The following PMEPA1 variants were observed in gnomAD, a reference collection of about 807,000 sequenced individuals.
The protein encoded by PMEPA1 is prostate transmembrane protein, androgen induced 1.
A neutral mutation model predicts 23.0 loss-of-function variants in PMEPA1; 11 were observed. That is an observed-to-expected ratio of 0.48 (90% CI 0.30 to 0.79). PMEPA1 has a LOEUF of 0.79. Among genes scored for constraint, PMEPA1 ranks in the 30% least tolerant of loss-of-function variants. PMEPA1 has a pLI of 0.06. For synonymous variants in PMEPA1, 204 were observed against 166.4 expected, an observed-to-expected ratio of 1.23 and a Z score of -1.74; for missense variants, 377 against 390.9, an observed-to-expected ratio of 0.96 and a Z score of 0.30.
rs2071319294 is a variant in PMEPA1 at position 57,655,858 on chromosome 20, C to T, written c.265-2772G>A. Among the ~76,000 whole-genome samples, 1 of 152,172 alleles carries T rather than the reference C, an allele frequency of 6.6e-6. No individual in the cohort carries two copies. The highest frequency in any genetic ancestry group is 2.1e-4 in the South Asian group (1 of 4,822). ...AGTAAAATATTTTCTGGTTTGTGGGCCGGCGGGTCTCTGTCATACCACTGA... is the reference window on the plus strand; with the variant it reads ...AGTAAAATATTTTCTGGTTTGTGGGTCGGCGGGTCTCTGTCATACCACTGA... On this transcript the variant is annotated intron_variant, in intron 2 of 3. Transcript: ENST00000341744. The surrounding 1 kb of genome is among the most constrained non-coding windows in gnomAD (Gnocchi z 4.2).
chr20:57,663,304 G>T (rs2146653143), intron 1 of PMEPA1, among the ~76,000 whole-genome samples: 1 of 152,314 alleles, frequency 6.6e-6, no homozygotes, highest in East Asian at 1.9e-4. Context: ...GAGCACCCTG[G>T]AGAGGAGCAG....
At chr20:57,663,365 C>G (rs2071449104) in intron 1 of PMEPA1, among the ~76,000 whole-genome samples, 1 of 152,132 alleles carries the variant, frequency 6.6e-6, no homozygotes, top group Non-Finnish European at 1.5e-5. Context: ...GGGTCCCAGC[C>G]TGGCTCTTGG....
intron 1 of PMEPA1, among the ~76,000 whole-genome samples, chr20:57,696,887 CT>C (rs1490934576): frequency 1.3e-5 from 2 of 152,218 alleles, no homozygotes; most frequent in Non-Finnish European, 2.9e-5. Context: ...GTTTACACCC[CT>C]GATTTTTAAA....
chr20:57,652,058 G>A lies in PMEPA1; in HGVS notation c.859C>T (p.Leu287Phe). Residue 287 changes from leucine to phenylalanine, a missense_variant, in exon 4 of 4, where the codon CTC becomes TTC. This residue lies in a region of PMEPA1 where 176 missense variants were observed against 173.0 expected (regional missense o/e 1.02). Coordinates refer to ENST00000341744, the MANE Select transcript of PMEPA1 (RefSeq NM_020182.5). This position sits in a 1 kb window ranked among gnomAD's most constrained non-coding sequence, Gnocchi z 6.1. ...KEKDKQKGHP[L>F] ...GCCCGGCCCCCCTGGGGACCCTAGAGAGGGTGTCCTTTCTGTTTATCCTTC... is the reference window on the plus strand; with the variant it reads ...GCCCGGCCCCCCTGGGGACCCTAGAAAGGGTGTCCTTTCTGTTTATCCTTC... 6.7e-7 allele frequency: 1 copy of A among 1,494,378 alleles called. No homozygotes were observed. Among genetic ancestry groups the A allele is most frequent in the South Asian group, 1.3e-5 (1 of 74,572 alleles). The allele number at this position is 1,494,378 out of a possible 1,614,324, so 92.6% of individuals were successfully genotyped here.
intron 1 of PMEPA1, among the ~76,000 whole-genome samples, 179 bp downstream of exon 1, chr20:57,709,295 G>GC (rs1305148442): frequency 6.8e-6 from 1 of 146,750 alleles, no homozygotes; most frequent in Non-Finnish European, 1.5e-5. Flanking sequence ...ACAAAGCCGG[G>GC]CCGGCCGCCA....
intron 1 of PMEPA1, chr20:57,699,889 AGCCTCCCG>A (rs1178275132): frequency 7.8e-6 from 3 of 384,878 alleles, no homozygotes; most frequent in Non-Finnish European, 1.6e-5. Context: ...ACCTCAGAGA[AGCCTCCCG>A]GCCTCGGCGG....
chr20:57,677,233 G>A (rs2071649404), intron 1 of PMEPA1, among the ~76,000 whole-genome samples: 1 of 152,220 alleles, frequency 6.6e-6, no homozygotes, highest in African/African-American at 2.4e-5. Flanking sequence ...GGGAGCAGCT[G>A]TGTGTCTCCA....
chr20:57,692,393 T>C (rs916667720), intron 1 of PMEPA1, among the ~76,000 whole-genome samples: 1 of 152,190 alleles, frequency 6.6e-6, no homozygotes, highest in Non-Finnish European at 1.5e-5. Flanking sequence ...AGGTGAGCAA[T>C]GGTCTGTCAG....
In PMEPA1 at chr20:57,655,939, A is replaced by T. The variant is rs1882473179; in HGVS notation, c.265-2853T>A. Among the ~76,000 whole-genome samples, 1 of 152,184 alleles carries T rather than the reference A, an allele frequency of 6.6e-6. No individual in the cohort carries two copies. Among genetic ancestry groups the T allele is most frequent in the Non-Finnish European group, 1.5e-5 (1 of 67,996 alleles). ...GGCAAAACGCACTCGAAAACACTTC[A>T]TTCACACTCAGAAAAGACCTCATTG... On this transcript the variant is annotated intron_variant, in intron 2 of 3. Transcript: ENST00000341744. This position sits in a 1 kb window ranked among gnomAD's most constrained non-coding sequence, Gnocchi z 4.2.
At chr20:57,667,338 G>A (rs1369992493) in intron 1 of PMEPA1, among the ~76,000 whole-genome samples, 2 of 152,158 alleles carry the variant, frequency 1.3e-5, no homozygotes, top group Non-Finnish European at 2.9e-5. Flanking sequence ...ACGGGGAGAG[G>A]GTCGCTGGAA....
intron 1 of PMEPA1, among the ~76,000 whole-genome samples, chr20:57,688,364 C>T (rs2071829759): frequency 1.1e-5 from 1 of 95,232 alleles, no homozygotes; most frequent in Non-Finnish European, 2.0e-5. Flanking sequence ...GTGGGCTGTT[C>T]TGGGCATGGC....
rs757276494 is a variant in PMEPA1 at position 57,652,061 on chromosome 20, G to A, written c.856C>T (p.Pro286Ser). The A allele has an allele frequency of 1.3e-6, 2 of 1,499,578 alleles. No individual in the cohort carries two copies. Among genetic ancestry groups the A allele is most frequent in the South Asian group, 1.3e-5 (1 of 75,426 alleles). 92.9% of individuals were successfully genotyped at this position (1,499,578 alleles called of 1,614,324 possible). A position where few individuals can be genotyped will look rare whatever the true frequency, so the allele number is the denominator to read the frequency against. Reference sequence around the variant, plus strand: ...CGGCCCCCCTGGGGACCCTAGAGAGGGTGTCCTTTCTGTTTATCCTTCTCT... The same window carrying A: ...CGGCCCCCCTGGGGACCCTAGAGAGAGTGTCCTTTCTGTTTATCCTTCTCT... ...SKEKDKQKGHPL is the reference protein window; with the variant it reads ...SKEKDKQKGHSL Residue 286 changes from proline to serine, a missense_variant, in exon 4 of 4, where the codon CCT becomes TCT. Around this residue, in one of 3 missense-constraint regions of PMEPA1, gnomAD observed 176 missense variants for 173.0 expected, o/e 1.02. Coordinates refer to ENST00000341744, the MANE Select transcript of PMEPA1 (RefSeq NM_020182.5). The surrounding 1 kb of genome is among the most constrained non-coding windows in gnomAD (Gnocchi z 6.1).
chr20:57,664,522 C>A (rs12480236), intron 1 of PMEPA1, among the ~76,000 whole-genome samples: 6 of 151,406 alleles, frequency 4.0e-5, no homozygotes, highest in Admixed American at 3.9e-4. Context: ...AATATAAACA[C>A]GGCTCTCCAC....
chr20:57,694,538 G>A (rs1807589089), intron 1 of PMEPA1, among the ~76,000 whole-genome samples: 1 of 152,170 alleles, frequency 6.6e-6, no homozygotes, highest in Admixed American at 6.5e-5. Context: ...AGATTTCTTG[G>A]AACTGACATG....
intron 1 of PMEPA1, among the ~76,000 whole-genome samples, chr20:57,689,191 C>T (rs559647626): frequency 1.3e-5 from 2 of 152,288 alleles, no homozygotes; most frequent in South Asian, 2.1e-4. Flanking sequence ...GCTGGGCAGG[C>T]GGAGGGAGAA....
In PMEPA1 at chr20:57,698,450, G is replaced by A. The variant is rs1366531746; in HGVS notation, c.109+11024C>T. On this transcript the variant is annotated intron_variant, in intron 1 of 3. Transcript: ENST00000341744. ...TCTGAAATGACTCAATAACGAGGAG[G>A]CATAGACACCAATAAATGAATCATG... is the stretch of plus-strand genomic sequence containing the variant. Among the ~76,000 whole-genome samples, 3 of 152,180 alleles carry A rather than the reference G, an allele frequency of 2.0e-5. No individual in the cohort carries two copies. In the East Asian group the frequency reaches 5.8e-4, roughly 29 times the overall value.
At chr20:57,697,890 G>C (rs548445963) in intron 1 of PMEPA1, among the ~76,000 whole-genome samples, 1 of 152,324 alleles carries the variant, frequency 6.6e-6, no homozygotes, top group Non-Finnish European at 1.5e-5. Flanking sequence ...CACACAGTTT[G>C]GAGAATAATG....
chr20:57,677,904 G>A (rs2071660073), intron 1 of PMEPA1, among the ~76,000 whole-genome samples: 1 of 152,216 alleles, frequency 6.6e-6, no homozygotes, highest in South Asian at 2.1e-4. Context: ...CAGCAACGTG[G>A]AGACATCTTC....
At chr20:57,690,743 C>T in intron 1 of PMEPA1, 1 of 366,448 alleles carries the variant, frequency 2.7e-6, no homozygotes, top group Non-Finnish European at 4.8e-6. Flanking sequence ...CCGACCCCCA[C>T]CTGCCGGAAG....
Sources: allele counts gnomAD v4.1 joint callset (sites outside exome capture counted in the v4.1 genomes callset), GRCh38; gene constraint gnomAD v4.1.1; regional missense constraint gnomAD v4.1.1; non-coding constraint Gnocchi (gnomAD v3.1); transcripts MANE v1.5; gene names NCBI Gene and HGNC (gene_info 2026-07-23, HGNC 2026-07-21).